The following AFG1L variants were observed in gnomAD, a reference collection of about 807,000 sequenced individuals.
AFG1L encodes AFG1 like ATPase.
AFG1L carries 53 observed loss-of-function variants against 62.2 expected under a neutral mutation model. The observed-to-expected ratio is 0.85, with a 90% CI of 0.68 to 1.07. AFG1L has a LOEUF of 1.07. Ranked by LOEUF, AFG1L falls within the 50% of genes least tolerant of loss-of-function variation. The probability of loss-of-function intolerance (pLI) is 0.00; values close to 1 mark genes in which losing one functional copy is unlikely to be tolerated. For synonymous variants in AFG1L, 228 were observed against 210.3 expected, an observed-to-expected ratio of 1.08 and a Z score of -0.73; for missense variants, 555 against 590.5, an observed-to-expected ratio of 0.94 and a Z score of 0.62.
chr6:108,395,219 T>A (rs1232231661), intron 6 of AFG1L, among the ~76,000 whole-genome samples: 1 of 152,140 alleles, frequency 6.6e-6, no homozygotes, highest in Non-Finnish European at 1.5e-5. Context: ...TGTTTCCTAA[T>A]GACCATATTT....
intron 12 of AFG1L, chr6:108,520,219 A>G (rs1300536057): frequency 6.1e-6 from 1 of 164,498 alleles, no homozygotes; most frequent in East Asian, 1.7e-4. Context: ...TGTAGAGTGC[A>G]TGATACAGTA....
chr6:108,515,413 C>T (rs1774840649), intron 11 of AFG1L, among the ~76,000 whole-genome samples: 1 of 152,058 alleles, frequency 6.6e-6, no homozygotes, highest in Non-Finnish European at 1.5e-5. Flanking sequence ...GGGTACATAA[C>T]AAAATGAAGG....
chr6:108,383,160 G>C (rs1213562967), intron 6 of AFG1L, among the ~76,000 whole-genome samples: 1 of 152,156 alleles, frequency 6.6e-6, no homozygotes, highest in African/African-American at 2.4e-5. Context: ...TTGAACCCAG[G>C]AGGCGGAGGT....
chr6:108,514,853 C>A (rs1231445257), intron 11 of AFG1L, among the ~76,000 whole-genome samples: 3 of 152,138 alleles, frequency 2.0e-5, no homozygotes, highest in Admixed American at 6.5e-5. Context: ...CAATCCTAGT[C>A]TCTCATAAAA....
intron 6 of AFG1L, among the ~76,000 whole-genome samples, chr6:108,377,292 G>A (rs555519456): frequency 2.0e-5 from 3 of 152,222 alleles, no homozygotes; most frequent in South Asian, 4.1e-4. Context: ...TTGTGAAGTT[G>A]TTAGCTGTTT....
intron 3 of AFG1L, among the ~76,000 whole-genome samples, chr6:108,348,482 A>T (rs1264923201): frequency 6.6e-6 from 1 of 152,184 alleles, no homozygotes. Context: ...TCCGTTTTGT[A>T]TTTCCAGATT....
intron 1 of AFG1L, among the ~76,000 whole-genome samples, chr6:108,310,364 C>T (rs2114837158): frequency 6.6e-6 from 1 of 152,228 alleles, no homozygotes; most frequent in East Asian, 1.9e-4. Flanking sequence ...TCCCAGGTGA[C>T]TAATGATATT....
chr6:108,324,132 A>T, intron 2 of AFG1L, 84 bp downstream of exon 2: 1 of 974,480 alleles, frequency 1.0e-6, no homozygotes, highest in South Asian at 1.7e-5. Flanking sequence ...GGACACAATC[A>T]TGAAACATCT....
At chr6:108,366,136 G>A (rs1345786874) in intron 5 of AFG1L, 97 bp from the exon 6 acceptor site, 10 of 649,550 alleles carry the variant, frequency 1.5e-5, no homozygotes, top group South Asian at 4.2e-5. Context: ...TTTTTCTCTT[G>A]GAATTTACTT....
intron 10 of AFG1L, 37 bp from the exon 11 acceptor site, chr6:108,510,175 T>G: frequency 6.5e-7 from 1 of 1,548,356 alleles, no homozygotes; most frequent in South Asian, 1.2e-5. Flanking sequence ...CAGAATTGGT[T>G]TATTTTTAAG....
chr6:108,361,024 A>T (rs184771543), intron 5 of AFG1L, among the ~76,000 whole-genome samples: 320 of 152,324 alleles, frequency 2.1e-3, no homozygotes, highest in African/African-American at 7.4e-3. Flanking sequence ...CTGCCCTAAC[A>T]GGAAATGCAG....
chr6:108,506,640 T>TG (rs1485382204), intron 10 of AFG1L, among the ~76,000 whole-genome samples: 1 of 152,148 alleles, frequency 6.6e-6, no homozygotes, highest in African/African-American at 2.4e-5. Context: ...CCCAAAGTGC[T>TG]GAGATTACAG....
intron 7 of AFG1L, among the ~76,000 whole-genome samples, chr6:108,414,769 T>G (rs1336166223): frequency 6.6e-6 from 1 of 152,136 alleles, no homozygotes; most frequent in Non-Finnish European, 1.5e-5. Flanking sequence ...ATGGGATGTA[T>G]CTCAAAATAA....
intron 5 of AFG1L, chr6:108,359,558 T>C (rs926273599): frequency 1.3e-5 from 2 of 152,250 alleles, no homozygotes; most frequent in African/African-American, 4.8e-5. Flanking sequence ...AAGGCCCTTA[T>C]TCCGTATCAC....
intron 6 of AFG1L, among the ~76,000 whole-genome samples, chr6:108,391,407 G>A (rs1276517450): frequency 6.6e-6 from 1 of 152,108 alleles, no homozygotes; most frequent in African/African-American, 2.4e-5. Context: ...TTTCATGTTT[G>A]TTGGCCATTT....
intron 10 of AFG1L, among the ~76,000 whole-genome samples, chr6:108,487,432 AC>A (rs1773614735): frequency 6.6e-6 from 1 of 152,196 alleles, no homozygotes; most frequent in Non-Finnish European, 1.5e-5. Flanking sequence ...TCACTTAACC[AC>A]TTCACCATTC....
intron 7 of AFG1L, among the ~76,000 whole-genome samples, chr6:108,411,778 A>C (rs1306221266): frequency 6.6e-6 from 1 of 152,240 alleles, no homozygotes; most frequent in Non-Finnish European, 1.5e-5. Flanking sequence ...CAAAGACCAA[A>C]GGTAGATAAA....
At chr6:108,446,693 T>C (rs1037027207) in intron 7 of AFG1L, among the ~76,000 whole-genome samples, 1 of 151,934 alleles carries the variant, frequency 6.6e-6, no homozygotes, top group Non-Finnish European at 1.5e-5. Context: ...TTTGTAGAGA[T>C]GGGTTTTGCT....
rs764184990 is a variant in AFG1L, at chr6:108,356,725, A to C, written c.553A>C (p.Lys185Gln). The change falls in exon 5 of 13, where the codon AAA becomes CAA. Residue 185 changes from lysine to glutamine, a missense_variant. Coordinates refer to ENST00000368977, the MANE Select transcript of AFG1L (RefSeq NM_145315.5). ...HRLKQSLPKR[K>Q]PGFMAKSYDP... The stretch of plus-strand genomic sequence containing the variant: ...CCTTAAACAGAGTTTGCCAAAAAGG[A>C]AACCAGGATTCATGGCTAAATCATA... 2.5e-6 allele frequency: 4 copies of C among 1,612,590 alleles called. No individual in the cohort carries two copies. Among genetic ancestry groups the C allele is most frequent in the South Asian group, 1.1e-5 (1 of 90,528 alleles).
Sources: allele counts gnomAD v4.1 joint callset (sites outside exome capture counted in the v4.1 genomes callset), GRCh38; gene constraint gnomAD v4.1.1; transcripts MANE v1.5; gene names NCBI Gene and HGNC (gene_info 2026-07-23, HGNC 2026-07-21).